Variants in ESR1 observed in about 807,000 individuals in gnomAD.
The protein encoded by ESR1 is estrogen receptor 1.
A neutral mutation model predicts 52.7 loss-of-function variants in ESR1; 12 were observed. The ratio of observed to expected loss-of-function variants is 0.23; its 90% CI spans 0.15 to 0.37. The LOEUF (loss-of-function observed/expected upper bound fraction) is 0.37. ESR1 is among the 10% of genes least tolerant of loss of function. ESR1 has a pLI of 1.00. For missense variants in ESR1, 584 were observed against 779.7 expected (o/e 0.75, Z 2.99); for synonymous variants, 305 against 316.8 (o/e 0.96, Z 0.39).
At chr6:151,860,597 T>C (rs963360672) in intron 2 of ESR1, among the ~76,000 whole-genome samples, 7 of 152,182 alleles carry the variant, frequency 4.6e-5, no homozygotes, top group African/African-American at 1.7e-4. Context: ...TGGGATATTA[T>C]TCAGCTTTCA....
intron 2 of ESR1, among the ~76,000 whole-genome samples, chr6:151,703,996 G>T (rs942799673): frequency 4.7e-4 from 72 of 152,278 alleles, no homozygotes; most frequent in African/African-American, 1.6e-3. Context: ...CTCCATTTTT[G>T]CTGCCTTTCC....
intron 5 of ESR1, among the ~76,000 whole-genome samples, chr6:152,059,159 G>A (rs955081678): frequency 6.6e-6 from 1 of 151,788 alleles, no homozygotes; most frequent in Non-Finnish European, 1.5e-5. Flanking sequence ...TCTTTAAATG[G>A]GCAAATGTTA....
chr6:152,013,920 C>T (rs1346384868), intron 5 of ESR1, among the ~76,000 whole-genome samples: 3 of 151,944 alleles, frequency 2.0e-5, no homozygotes, highest in Admixed American at 2.0e-4. Flanking sequence ...TTGGTGTGTC[C>T]TCATCCAAAT....
chr6:151,784,255 G>A (rs1786811752), intron 2 of ESR1, among the ~76,000 whole-genome samples: 1 of 152,060 alleles, frequency 6.6e-6, no homozygotes, highest in Non-Finnish European at 1.5e-5. Flanking sequence ...CTGCATGGGA[G>A]ATTTGTCTAT....
chr6:151,680,063 A>G (rs572206893), intron 1 of ESR1, among the ~76,000 whole-genome samples: 1 of 152,312 alleles, frequency 6.6e-6, no homozygotes, highest in Non-Finnish European at 1.5e-5. Context: ...AACAGATACC[A>G]TAAACTGGGT....
intron 1 of ESR1, among the ~76,000 whole-genome samples, chr6:151,841,596 C>T (rs1392831121): frequency 1.3e-5 from 2 of 151,980 alleles, no homozygotes; most frequent in Non-Finnish European, 2.9e-5. Flanking sequence ...TCTCTTCCTA[C>T]ATTTTTTTTT....
At chr6:152,121,667 A>G (rs1585296014) in intron 6 of ESR1, 1 of 90,076 alleles carries the variant, frequency 1.1e-5, no homozygotes, top group South Asian at 2.6e-4. Context: ...TTGTTTAGGG[A>G]AAAAAAAGCA....
At chr6:151,889,234 A>G (rs1042665343) in intron 3 of ESR1, among the ~76,000 whole-genome samples, 2 of 152,112 alleles carry the variant, frequency 1.3e-5, no homozygotes, top group Admixed American at 1.3e-4. Flanking sequence ...GAGTTTGAGG[A>G]TTGGTATTAG....
chr6:151,885,112 TAATG>T (rs1255249364), intron 3 of ESR1, among the ~76,000 whole-genome samples: 1 of 152,188 alleles, frequency 6.6e-6, no homozygotes, highest in Non-Finnish European at 1.5e-5. Context: ...TTGCACTAAT[TAATG>T]AATTGATTCA....
intron 5 of ESR1, among the ~76,000 whole-genome samples, chr6:152,040,038 C>T (rs1344687141): frequency 2.6e-5 from 4 of 152,136 alleles, no homozygotes; most frequent in African/African-American, 9.7e-5. Flanking sequence ...GAGTAAGTGC[C>T]CATTCCAGTG....
In ESR1 at chr6:152,099,256, C is replaced by A; in HGVS notation, c.*290C>A. On this transcript the variant is annotated 3_prime_UTR_variant, in exon 8 of 8. Coordinates refer to ENST00000206249, the MANE Select transcript of ESR1 (RefSeq NM_000125.4). ...TCCCGTAGCTCTTCACAGCTGAACT[C>A]AGTCTATGGGTTGGGGCTCAGATAA... 1 of 493,302 alleles carries A rather than the reference C, an allele frequency of 2.0e-6. No individual in the cohort carries two copies. Among genetic ancestry groups the A allele is most frequent in the South Asian group, 2.1e-5 (1 of 48,222 alleles). 30.6% of individuals were successfully genotyped at this position (493,302 alleles called of 1,614,324 possible).
chr6:152,123,105 T>A (rs558328091), intron 6 of ESR1, among the ~76,000 whole-genome samples: 1 of 152,248 alleles, frequency 6.6e-6, no homozygotes, highest in Admixed American at 6.5e-5. Context: ...GCTGTCAGAA[T>A]CATACCAAGT....
At chr6:151,909,627 A>G (rs1488947068) in intron 3 of ESR1, among the ~76,000 whole-genome samples, 2 of 152,164 alleles carry the variant, frequency 1.3e-5, no homozygotes, top group African/African-American at 4.8e-5. Flanking sequence ...TCCTGGAAGA[A>G]GCATGGGTAA....
intron 1 of ESR1, among the ~76,000 whole-genome samples, chr6:151,693,687 A>AGTGGT (rs1269007407): frequency 4.6e-5 from 7 of 152,052 alleles, no homozygotes; most frequent in Non-Finnish European, 8.8e-5. Flanking sequence ...GTGCTTTCTC[A>AGTGGT]GCTCACTGCA....
intron 6 of ESR1, among the ~76,000 whole-genome samples, chr6:152,075,705 C>G (rs2048685106): frequency 6.6e-6 from 1 of 152,196 alleles, no homozygotes; most frequent in African/African-American, 2.4e-5. Context: ...TGATATGACT[C>G]TCATTTATTA....
intron 4 of ESR1, among the ~76,000 whole-genome samples, chr6:151,964,808 AT>A (rs1237937955): frequency 4.0e-5 from 6 of 151,746 alleles, no homozygotes; most frequent in African/African-American, 1.5e-4. Flanking sequence ...CGCCCAGCTA[AT>A]TTTTTTGTAT....
intron 3 of ESR1, among the ~76,000 whole-genome samples, chr6:151,902,448 AC>A (rs2128410865): frequency 6.6e-6 from 1 of 152,302 alleles, no homozygotes; most frequent in African/African-American, 2.4e-5. Context: ...CTATGTGAAA[AC>A]ACCAACTACC....
chr6:151,758,678 T>G (rs956947585), intron 2 of ESR1, among the ~76,000 whole-genome samples: 1 of 151,464 alleles, frequency 6.6e-6, no homozygotes, highest in Non-Finnish European at 1.5e-5. Flanking sequence ...GGAGAATTGC[T>G]TGAACCAGGC....
Position 152,047,232 on chromosome 6 carries a change from G to A in ESR1, c.1236-13759G>A, listed in dbSNP as rs529460938. Among the ~76,000 whole-genome samples, 70 of 151,738 alleles carry A rather than the reference G, an allele frequency of 4.6e-4. 1 individual carries two copies. The South Asian group carries it at 0.014, about 30-fold the overall frequency. On this transcript the variant is annotated intron_variant, in intron 5 of 7. Coordinates refer to ENST00000206249, the MANE Select transcript of ESR1 (RefSeq NM_000125.4). ...CTTATTTGCCTCTGCTTGACTGTAA[G>A]CTCATGGAAAGTAAGGGACCTTCAC... is the stretch of plus-strand genomic sequence containing the variant.
Sources: allele counts gnomAD v4.1 joint callset (sites outside exome capture counted in the v4.1 genomes callset), GRCh38; gene constraint gnomAD v4.1.1; transcripts MANE v1.5; gene names NCBI Gene and HGNC (gene_info 2026-07-23, HGNC 2026-07-21).